OXSR1: variants seen among roughly 807,000 people sequenced by gnomAD.
The protein encoded by OXSR1 is serine/threonine-protein kinase OSR1.
Under a neutral mutation model 79.8 loss-of-function variants are expected in OXSR1, and 24 were observed. The ratio of observed to expected loss-of-function variants is 0.30; its 90% CI spans 0.22 to 0.42. The LOEUF (loss-of-function observed/expected upper bound fraction) is 0.42. OXSR1 is among the 10% of genes least tolerant of loss of function. The probability of loss-of-function intolerance (pLI) is 1.00; values close to 1 mark genes in which losing one functional copy is unlikely to be tolerated. For missense variants in OXSR1, 430 were observed against 618.4 expected (o/e 0.70, Z 3.23); for synonymous variants, 226 against 209.2 (o/e 1.08, Z -0.69).
chr3:38,164,072 T>C (rs1304681060), upstream of OXSR1, among the ~76,000 whole-genome samples: 1 of 152,240 alleles, frequency 6.6e-6, no homozygotes, highest in Non-Finnish European at 1.5e-5. Context: ...GGAATTTCTC[T>C]TGAAGTAACT....
chr3:38,230,363 A>C lies in OXSR1; in HGVS notation c.886-2A>C. The C allele has an allele frequency of 6.3e-7, 1 of 1,580,426 alleles. No homozygotes were observed. Among genetic ancestry groups the C allele is most frequent in the Non-Finnish European group, 8.7e-7 (1 of 1,154,466 alleles). ...AACAAAATACTTACTTTTCCTCTCC[A>C]GAATAAAGAATTTCTTCAAGAAAAA... On this transcript the variant is annotated splice_acceptor_variant, in intron 9 of 17. Coordinates refer to ENST00000311806, the MANE Select transcript of OXSR1 (RefSeq NM_005109.3). LOFTEE classifies it high-confidence loss of function.
chr3:38,245,916 A>G (rs1340989699), intron 12 of OXSR1, among the ~76,000 whole-genome samples, 159 bp from the exon 13 acceptor site: 1 of 152,190 alleles, frequency 6.6e-6, no homozygotes, highest in Non-Finnish European at 1.5e-5. Context: ...GAAATATTTG[A>G]CTTCCGTTTG....
At position 38,229,750 on chromosome 3, in the gene OXSR1, C is replaced by T; in HGVS notation, c.885+15C>T. 1 of 1,599,100 alleles carries T rather than the reference C, an allele frequency of 6.3e-7. No homozygotes were observed. Among genetic ancestry groups the T allele is most frequent in the Non-Finnish European group, 8.6e-7 (1 of 1,167,164 alleles). On this transcript the variant is annotated intron_variant, in intron 9 of 17. Transcript: ENST00000311806. ...AGAAAGCAAAGGTAGGAAATTCCAG[C>T]TTTTGATTATGTGTGTTCATAGGAT...
chr3:38,197,778 A>G (rs987364022), intron 3 of OXSR1, among the ~76,000 whole-genome samples: 1 of 152,208 alleles, frequency 6.6e-6, no homozygotes, highest in Non-Finnish European at 1.5e-5. Context: ...AAGTGTGTGA[A>G]GTAAAAGTAC....
At chr3:38,178,836 G>T (rs1370950597) in intron 1 of OXSR1, among the ~76,000 whole-genome samples, 1 of 151,346 alleles carries the variant, frequency 6.6e-6, no homozygotes, top group Non-Finnish European at 1.5e-5. Context: ...TGGCACACTT[G>T]AAAGGATTTT....
intron 5 of OXSR1, among the ~76,000 whole-genome samples, chr3:38,217,131 C>T (rs1200674208): frequency 2.6e-5 from 4 of 152,092 alleles, no homozygotes; most frequent in African/African-American, 7.2e-5. Context: ...AGGCACTTCC[C>T]AAATGAAGAC....
At chr3:38,204,980 A>G (rs894067336) in intron 4 of OXSR1, among the ~76,000 whole-genome samples, 2 of 152,112 alleles carry the variant, frequency 1.3e-5, no homozygotes, top group Admixed American at 6.5e-5. Context: ...GCTTGACAGA[A>G]CTCAGGTTCT....
chr3:38,201,332 C>T (rs924701570), intron 4 of OXSR1, among the ~76,000 whole-genome samples: 2 of 152,080 alleles, frequency 1.3e-5, no homozygotes, highest in African/African-American at 4.8e-5. Flanking sequence ...CTTTGAGAGG[C>T]GGGCGGATTG....
intron 11 of OXSR1, among the ~76,000 whole-genome samples, chr3:38,241,762 T>G (rs1404772929): frequency 2.0e-5 from 3 of 152,068 alleles, no homozygotes; most frequent in Non-Finnish European, 4.4e-5. Context: ...AAGTTTTTTT[T>G]TCTTGTAGTC....
rs1169300410 is a variant in OXSR1, at chr3:38,253,628, A to G, written c.*737A>G. 2.0e-5 allele frequency: 3 copies of G among 152,634 alleles called. No homozygotes were observed. Among genetic ancestry groups the G allele is most frequent in the Admixed American group, 2.0e-4 (3 of 15,290 alleles). The allele number at this position is 152,634 out of a possible 1,614,324, so 9.5% of individuals were successfully genotyped here. ...GTGGAACTTTGGATTGTTTTTACAG[A>G]CAACATCGAGTAATGGCTTGTAAAT... is the stretch of plus-strand genomic sequence containing the variant. On this transcript the variant is annotated 3_prime_UTR_variant, in exon 18 of 18. Coordinates refer to ENST00000311806, the MANE Select transcript of OXSR1 (RefSeq NM_005109.3).
intron 1 of OXSR1, among the ~76,000 whole-genome samples, chr3:38,167,891 GTT>G (rs10707866): frequency 0.028 from 4,020 of 143,958 alleles, 180 homozygotes; most frequent in African/African-American, 0.095. Context: ...TAAAAGAAGA[GTT>G]TTTTTTTTTT....
chr3:38,183,092 C>A lies in OXSR1; in HGVS notation c.160C>A (p.Gln54Lys). Residue 54 changes from glutamine (Q) to lysine (K), a missense_variant, in exon 2 of 18, where the codon CAA (glutamine) becomes AAA (lysine). Around this residue, in one of 3 missense-constraint regions of OXSR1, gnomAD observed 145 missense variants for 228.3 expected, o/e 0.64. Coordinates refer to ENST00000311806, the MANE Select transcript of OXSR1 (RefSeq NM_005109.3). ...CAAACGGATAAACCTTGAGAAATGT[C>A]AAACTAGCATGGATGAACTCCTGGT... ...AIKRINLEKC[Q>K]TSMDELLKEI... The A allele has an allele frequency of 1.2e-6, 2 of 1,607,588 alleles. No individual in the cohort carries two copies. The highest frequency in any genetic ancestry group is 2.2e-5 in the South Asian group (2 of 90,704).
At chr3:38,218,421 T>G (rs977405351) in intron 5 of OXSR1, among the ~76,000 whole-genome samples, 1 of 152,230 alleles carries the variant, frequency 6.6e-6, no homozygotes. Flanking sequence ...TGATTAGTGA[T>G]GGTGAACATC....
chr3:38,203,652 C>CT (rs1185362242), intron 4 of OXSR1, among the ~76,000 whole-genome samples: 4 of 152,132 alleles, frequency 2.6e-5, no homozygotes, highest in Admixed American at 6.5e-5. Context: ...GGCAGAGACT[C>CT]TTTTTCTCTT....
intron 1 of OXSR1, among the ~76,000 whole-genome samples, chr3:38,179,558 T>C (rs1701742300): frequency 6.6e-6 from 1 of 152,206 alleles, no homozygotes; most frequent in Non-Finnish European, 1.5e-5. Flanking sequence ...TGTACAACCA[T>C]CACCATTAAT....
intron 1 of OXSR1, among the ~76,000 whole-genome samples, chr3:38,182,281 C>T (rs150353222): frequency 9.5e-4 from 144 of 152,252 alleles, no homozygotes; most frequent in African/African-American, 3.3e-3. Context: ...TTGACATTGC[C>T]GCACGTGTGG....
chr3:38,200,198 C>A (rs910323374), intron 4 of OXSR1, among the ~76,000 whole-genome samples: 6 of 152,106 alleles, frequency 3.9e-5, no homozygotes, highest in African/African-American at 1.4e-4. Context: ...AGGGATGGGA[C>A]CACCTATTAG....
chr3:38,212,148 C>G (rs529308046), intron 4 of OXSR1, among the ~76,000 whole-genome samples: 3 of 152,200 alleles, frequency 2.0e-5, no homozygotes, highest in Non-Finnish European at 4.4e-5. Context: ...AATATGCAGC[C>G]AAGTCTGAGA....
At chr3:38,234,161 A>G (rs1702870687) in intron 10 of OXSR1, among the ~76,000 whole-genome samples, 1 of 152,218 alleles carries the variant, frequency 6.6e-6, no homozygotes, top group Non-Finnish European at 1.5e-5. Context: ...AAGAAAATAT[A>G]GCTATAAACC....
Sources: allele counts gnomAD v4.1 joint callset (sites outside exome capture counted in the v4.1 genomes callset), GRCh38; gene constraint gnomAD v4.1.1; regional missense constraint gnomAD v4.1.1; transcripts MANE v1.5; gene names NCBI Gene and HGNC (gene_info 2026-07-23, HGNC 2026-07-21).